The following SLC24A3 variants were observed in gnomAD, a reference collection of about 807,000 sequenced individuals.
SLC24A3 encodes the protein solute carrier family 24 member 3.
SLC24A3 carries 28 observed loss-of-function variants against 75.8 expected under a neutral mutation model. The observed-to-expected ratio is 0.37, with a 90% confidence interval of 0.27 to 0.51. The LOEUF is 0.51. Ranked by LOEUF, SLC24A3 falls within the 20% of genes least tolerant of loss-of-function variation. The pLI is 0.94. For missense variants in SLC24A3, 663 were observed against 847.8 expected, an observed-to-expected ratio of 0.78 and a Z score of 2.71; for synonymous variants, 372 against 334.1, an observed-to-expected ratio of 1.11 and a Z score of -1.24.
chr20:19,289,433 T>A (rs1465042106), intron 2 of SLC24A3, among the ~76,000 whole-genome samples: 1 of 152,218 alleles, frequency 6.6e-6, no homozygotes, highest in East Asian at 1.9e-4. Flanking sequence ...GTTGTCCACC[T>A]GTACTCATGG....
intron 15 of SLC24A3, among the ~76,000 whole-genome samples, chr20:19,700,471 C>T (rs1227229698): frequency 1.3e-5 from 2 of 152,082 alleles, no homozygotes; most frequent in African/African-American, 4.8e-5. Flanking sequence ...TTACATGTAC[C>T]CACTTGGATG....
intron 3 of SLC24A3, among the ~76,000 whole-genome samples, chr20:19,544,221 C>T (rs1336704054): frequency 6.6e-6 from 1 of 152,206 alleles, no homozygotes; most frequent in African/African-American, 2.4e-5. Flanking sequence ...GGATAAGCCA[C>T]AGGCTCTAAA....
chr20:19,501,520 G>C (rs770893819), intron 2 of SLC24A3, among the ~76,000 whole-genome samples: 1 of 152,138 alleles, frequency 6.6e-6, no homozygotes, highest in Non-Finnish European at 1.5e-5. Flanking sequence ...ACACTTGCAG[G>C]AAACATCTAA....
intron 2 of SLC24A3, among the ~76,000 whole-genome samples, chr20:19,463,290 G>A (rs953397608): frequency 2.6e-5 from 4 of 152,106 alleles, no homozygotes; most frequent in African/African-American, 4.8e-5. Context: ...TCCTGGGAGC[G>A]TATTCACTGG....
intron 1 of SLC24A3, among the ~76,000 whole-genome samples, chr20:19,275,871 C>A (rs888189471): frequency 2.0e-5 from 3 of 152,166 alleles, no homozygotes; most frequent in Non-Finnish European, 4.4e-5. Flanking sequence ...TGCCTCCACC[C>A]GTGACATGTG....
chr20:19,635,888 C>T (rs1020317479), intron 6 of SLC24A3, among the ~76,000 whole-genome samples: 1 of 152,166 alleles, frequency 6.6e-6, no homozygotes, highest in Non-Finnish European at 1.5e-5. Context: ...CACCTGTAAT[C>T]CCAGCACTTT....
At chr20:19,389,686 G>A (rs1986334355) in intron 2 of SLC24A3, among the ~76,000 whole-genome samples, 1 of 152,088 alleles carries the variant, frequency 6.6e-6, no homozygotes, top group Non-Finnish European at 1.5e-5. Context: ...TTTGAGAATT[G>A]TATTATAATT....
At chr20:19,519,328 T>C (rs1268845332) in intron 3 of SLC24A3, among the ~76,000 whole-genome samples, 1 of 152,192 alleles carries the variant, frequency 6.6e-6, no homozygotes, top group Non-Finnish European at 1.5e-5. Flanking sequence ...ATTCTTTTTG[T>C]TTTTTCTTGT....
intron 3 of SLC24A3, among the ~76,000 whole-genome samples, chr20:19,517,891 G>C (rs1338618618): frequency 6.6e-6 from 1 of 152,116 alleles, no homozygotes; most frequent in Non-Finnish European, 1.5e-5. Context: ...CAAATGTTCG[G>C]GTGGACCTGC....
chr20:19,605,680 C>T (rs906450479), intron 6 of SLC24A3, among the ~76,000 whole-genome samples: 10 of 152,142 alleles, frequency 6.6e-5, no homozygotes, highest in Admixed American at 3.3e-4. Flanking sequence ...CCTGATTTTT[C>T]GACGTCTTCC....
intron 2 of SLC24A3, among the ~76,000 whole-genome samples, chr20:19,497,616 A>G (rs1385512919): frequency 6.6e-6 from 1 of 152,042 alleles, no homozygotes; most frequent in African/African-American, 2.4e-5. Flanking sequence ...GAACTAAACC[A>G]CGTCTAATGT....
At chr20:19,491,800 C>G (rs868855517) in intron 2 of SLC24A3, among the ~76,000 whole-genome samples, 1 of 152,140 alleles carries the variant, frequency 6.6e-6, no homozygotes, top group Non-Finnish European at 1.5e-5. Context: ...AAACACTGCC[C>G]GGGAAGGCTT....
At chr20:19,480,806 A>G (rs930350537) in intron 2 of SLC24A3, among the ~76,000 whole-genome samples, 1 of 152,146 alleles carries the variant, frequency 6.6e-6, no homozygotes, top group Non-Finnish European at 1.5e-5. Context: ...TTGTTCATGA[A>G]TATTTGGGTC....
At position 19,715,646 on chromosome 20, in the gene SLC24A3, T is replaced by C. The variant is rs1175522069; in HGVS notation, c.1720-1882T>C. Among the ~76,000 whole-genome samples, 5 of 152,194 alleles carry C rather than the reference T, an allele frequency of 3.3e-5. No homozygotes were observed. The East Asian group carries it at 7.7e-4, about 23-fold the overall frequency. The stretch of plus-strand genomic sequence containing the variant: ...CGTATGGTGTCCCTATTTTCTGTCC[T>C]GTCAGAAAATAAACCTGACACACCC... On this transcript the variant is annotated intron_variant, in intron 15 of 16. Transcript: ENST00000328041.
chr20:19,497,078 C>T (rs780470007), intron 2 of SLC24A3, among the ~76,000 whole-genome samples: 1 of 152,036 alleles, frequency 6.6e-6, no homozygotes, highest in African/African-American at 2.4e-5. Flanking sequence ...GCCCCATGGC[C>T]GTAAAATGTG....
chr20:19,332,008 A>G (rs1985010827), intron 2 of SLC24A3, among the ~76,000 whole-genome samples: 1 of 152,176 alleles, frequency 6.6e-6, no homozygotes, highest in African/African-American at 2.4e-5. Context: ...CCCAAGCCGG[A>G]GGGAGACGGA....
intron 2 of SLC24A3, among the ~76,000 whole-genome samples, chr20:19,321,565 G>A (rs1984706901): frequency 6.6e-6 from 1 of 152,184 alleles, no homozygotes; most frequent in Non-Finnish European, 1.5e-5. Flanking sequence ...TAGACTGTTA[G>A]ATCATCCAGA....
At position 19,384,231 on chromosome 20, in the gene SLC24A3, A is replaced by G. The variant is rs13036924; in HGVS notation, c.271+103144A>G. On this transcript the variant is annotated intron_variant, in intron 2 of 16. Transcript: ENST00000328041. ...TCTTATCAAATTTCAATTATACAAT[A>G]CAGTATTATTAACTATAGTCATCAT... is the stretch of plus-strand genomic sequence containing the variant. Among the ~76,000 whole-genome samples, 4 of 152,350 alleles carry G rather than the reference A, an allele frequency of 2.6e-5. No homozygotes were observed. In the South Asian group the frequency reaches 8.3e-4, roughly 32 times the overall value.
chr20:19,378,907 C>CAAA (rs11475629), intron 2 of SLC24A3, among the ~76,000 whole-genome samples: 1 of 138,318 alleles, frequency 7.2e-6, no homozygotes. Context: ...AAAAAAAGCT[C>CAAA]AAAAAAAAAA....
Sources: allele counts gnomAD v4.1 joint callset (sites outside exome capture counted in the v4.1 genomes callset), GRCh38; gene constraint gnomAD v4.1.1; transcripts MANE v1.5; gene names NCBI Gene and HGNC (gene_info 2026-07-23, HGNC 2026-07-21).